Variants in SCFD2 observed in about 807,000 individuals in gnomAD.
SCFD2 encodes sec1 family domain-containing protein 2.
Under a neutral mutation model 58.9 loss-of-function variants are expected in SCFD2, and 54 were observed. The ratio of observed to expected loss-of-function variants is 0.92; its 90% CI spans 0.74 to 1.15. SCFD2 has a LOEUF of 1.15. Ranked by LOEUF, SCFD2 falls within the 50% of genes most tolerant of loss-of-function variation. The probability of loss-of-function intolerance (pLI) is 0.00; values close to 1 mark genes in which losing one functional copy is unlikely to be tolerated. For synonymous variants in SCFD2, 321 were observed against 335.9 expected, an observed-to-expected ratio of 0.96 and a Z score of 0.49; for missense variants, 805 against 836.6, an observed-to-expected ratio of 0.96 and a Z score of 0.47.
chr4:53,192,666 T>G (rs767292421), intron 4 of SCFD2, among the ~76,000 whole-genome samples: 4 of 152,218 alleles, frequency 2.6e-5, no homozygotes, highest in Non-Finnish European at 5.9e-5. Context: ...TCATCCTCTC[T>G]TATCTACAAA....
intron 5 of SCFD2, among the ~76,000 whole-genome samples, chr4:53,085,545 A>T (rs1163602878): frequency 2.6e-5 from 4 of 152,190 alleles, no homozygotes; most frequent in Non-Finnish European, 5.9e-5. Context: ...TCTAAAACTT[A>T]TATGAAACCA....
chr4:53,181,434 G>T (rs1352672017), intron 4 of SCFD2, among the ~76,000 whole-genome samples: 1 of 152,074 alleles, frequency 6.6e-6, no homozygotes, highest in Non-Finnish European at 1.5e-5. Flanking sequence ...ATGCAGAAAA[G>T]GCCTTTGACA....
At chr4:53,138,764 T>C (rs1726016967) in intron 5 of SCFD2, among the ~76,000 whole-genome samples, 1 of 152,264 alleles carries the variant, frequency 6.6e-6, no homozygotes, top group South Asian at 2.1e-4. Context: ...CAGAGATTTG[T>C]ATTGCCTTTC....
chr4:53,349,497 G>A (rs1292518535), intron 2 of SCFD2, among the ~76,000 whole-genome samples: 4 of 152,150 alleles, frequency 2.6e-5, no homozygotes, highest in Non-Finnish European at 5.9e-5. Flanking sequence ...CTGACATATT[G>A]GTCACATCTG....
rs1201491186 is a variant in SCFD2 at position 53,228,880 on chromosome 4, C to G, written c.1311+44946G>C. Reference sequence around the variant, plus strand: ...TGTATATCTAGAAAACCCATCATCTCAGCCCAAAATCTTCTTCAGCTGATA... The same window carrying G: ...TGTATATCTAGAAAACCCATCATCTGAGCCCAAAATCTTCTTCAGCTGATA... On this transcript the variant is annotated intron_variant, in intron 4 of 8. Coordinates refer to ENST00000401642, the MANE Select transcript of SCFD2 (RefSeq NM_152540.4). Among the ~76,000 whole-genome samples, 3 of 152,222 alleles carry G rather than the reference C, an allele frequency of 2.0e-5. No homozygotes were observed. In the East Asian group the frequency reaches 5.8e-4, roughly 29 times the overall value.
At chr4:52,911,252 G>A (rs1224607900) in intron 6 of SCFD2, among the ~76,000 whole-genome samples, 1 of 152,204 alleles carries the variant, frequency 6.6e-6, no homozygotes, top group Non-Finnish European at 1.5e-5. Context: ...ACCCAGTGTA[G>A]ACTGGGAGAC....
At chr4:53,132,278 G>C (rs1725806368) in intron 5 of SCFD2, among the ~76,000 whole-genome samples, 1 of 152,180 alleles carries the variant, frequency 6.6e-6, no homozygotes, top group African/African-American at 2.4e-5. Flanking sequence ...TAATATGTTG[G>C]ATAGTAAAAC....
At chr4:53,086,547 A>G (rs1724309675) in intron 5 of SCFD2, among the ~76,000 whole-genome samples, 1 of 152,216 alleles carries the variant, frequency 6.6e-6, no homozygotes, top group Non-Finnish European at 1.5e-5. Flanking sequence ...CCCAAAAGAA[A>G]GAAAATCAGT....
chr4:53,171,082 G>A (rs1308417418), intron 4 of SCFD2, among the ~76,000 whole-genome samples: 1 of 152,156 alleles, frequency 6.6e-6, no homozygotes, highest in Non-Finnish European at 1.5e-5. Context: ...TGGTGACTGT[G>A]TATATCCTTG....
intron 4 of SCFD2, among the ~76,000 whole-genome samples, chr4:53,182,058 G>A (rs527353761): frequency 2.0e-5 from 3 of 152,256 alleles, no homozygotes; most frequent in South Asian, 2.1e-4. Flanking sequence ...AATCAATATC[G>A]TGAAAATGGC....
At chr4:53,308,134 C>T (rs1732573482) in intron 3 of SCFD2, among the ~76,000 whole-genome samples, 1 of 152,146 alleles carries the variant, frequency 6.6e-6, no homozygotes, top group Non-Finnish European at 1.5e-5. Context: ...GTTTTCCTTG[C>T]CTGTGAAATG....
At chr4:53,155,323 G>C (rs1374791540) in intron 4 of SCFD2, among the ~76,000 whole-genome samples, 1 of 152,154 alleles carries the variant, frequency 6.6e-6, no homozygotes, top group African/African-American at 2.4e-5. Context: ...CTCATGGGTG[G>C]GACTGGTGCA....
At chr4:52,956,800 T>C (rs1447519131) in intron 5 of SCFD2, 1 of 154,056 alleles carries the variant, frequency 6.5e-6, no homozygotes, top group Non-Finnish European at 1.4e-5. Flanking sequence ...GAGGGCTGGG[T>C]GCCCAGCAGG....
chr4:53,194,392 C>G (rs1198164519), intron 4 of SCFD2, among the ~76,000 whole-genome samples: 1 of 151,998 alleles, frequency 6.6e-6, no homozygotes, highest in Non-Finnish European at 1.5e-5. Flanking sequence ...CTATTAAAAC[C>G]TTTTTAGAAC....
intron 5 of SCFD2, among the ~76,000 whole-genome samples, chr4:53,002,046 T>A (rs1462884780): frequency 6.6e-6 from 1 of 152,234 alleles, no homozygotes; most frequent in Non-Finnish European, 1.5e-5. Context: ...AATTATTGGA[T>A]GTCCTGTAAT....
At chr4:53,184,595 A>G (rs1341430645) in intron 4 of SCFD2, among the ~76,000 whole-genome samples, 2 of 152,146 alleles carry the variant, frequency 1.3e-5, no homozygotes, top group Non-Finnish European at 1.5e-5. Context: ...TCCATTTATT[A>G]GAAAAGCATA....
chr4:52,939,896 A>G (rs1393578616), intron 5 of SCFD2, among the ~76,000 whole-genome samples: 1 of 152,222 alleles, frequency 6.6e-6, no homozygotes, highest in Non-Finnish European at 1.5e-5. Flanking sequence ...CTCTGGTGGC[A>G]TGCTGCCACT....
intron 5 of SCFD2, among the ~76,000 whole-genome samples, chr4:53,080,720 G>T (rs1420061480): frequency 6.6e-6 from 1 of 152,094 alleles, no homozygotes; most frequent in Non-Finnish European, 1.5e-5. Context: ...TATTTTTCAT[G>T]CAATTAGGAG....
intron 5 of SCFD2, among the ~76,000 whole-genome samples, chr4:53,124,765 A>C (rs1373616835): frequency 1.3e-5 from 2 of 152,208 alleles, no homozygotes; most frequent in South Asian, 2.1e-4. Flanking sequence ...AAAAGTGAAG[A>C]GCATCATAAA....
Sources: gnomAD v4.1 joint callset for allele counts (sites outside exome capture counted in the v4.1 genomes callset) on GRCh38, gnomAD v4.1.1 for gene constraint, MANE v1.5 for transcripts, NCBI Gene and HGNC (gene_info 2026-07-23, HGNC 2026-07-21) for gene names.